Variants in CEP97 observed in about 807,000 individuals in gnomAD.
The protein encoded by CEP97 is centrosomal protein of 97 kDa.
CEP97 carries 43 observed loss-of-function variants against 73.1 expected under a neutral mutation model. That is an observed-to-expected ratio of 0.59 (90% CI 0.46 to 0.76). The LOEUF (loss-of-function observed/expected upper bound fraction) is 0.76. Ranked by LOEUF, CEP97 falls within the 30% of genes least tolerant of loss-of-function variation. The probability of loss-of-function intolerance (pLI) is 0.00; values close to 1 mark genes in which losing one functional copy is unlikely to be tolerated. For synonymous variants in CEP97, 337 were observed against 370.0 expected (o/e 0.91, Z 1.02); for missense variants, 939 against 1,014.0 (o/e 0.93, Z 1.00).
Position 101,765,009 on chromosome 3 carries a change from T to C in CEP97, c.2056T>C (p.Ser686Pro). Reference sequence around the variant, plus strand: ...TCAAAATGCTGATTGGTTTATTGCTTCTGATGTAGCTCCTCAAGAGAAATC... The same window carrying C: ...TCAAAATGCTGATTGGTTTATTGCTCCTGATGTAGCTCCTCAAGAGAAATC... ...CDQNADWFIA[S>P]DVAPQEKSLP... The change falls in exon 11 of 11, where the codon TCT (serine) becomes CCT (proline). Residue 686 changes from serine (S) to proline (P), a missense_variant. Physicochemically the swap from Ser to Pro is moderately conservative, Grantham distance 74. Transcript: ENST00000341893. 1 of 1,614,182 alleles carries C rather than the reference T, an allele frequency of 6.2e-7. No homozygotes were observed. Among genetic ancestry groups the C allele is most frequent in the Non-Finnish European group, 8.5e-7 (1 of 1,180,026 alleles).
Position 101,758,138 on chromosome 3 carries a change from A to C in CEP97, c.1532A>C (p.Lys511Thr), listed in dbSNP as rs922349539. 1 of 1,614,120 alleles carries C rather than the reference A, an allele frequency of 6.2e-7. No individual in the cohort carries two copies. Among genetic ancestry groups the C allele is most frequent in the Admixed American group, 1.7e-5 (1 of 60,006 alleles). Residue 511 changes from lysine to threonine, a missense_variant, in exon 9 of 11, where the codon AAA becomes ACA. Physicochemically the swap from Lys to Thr is moderately conservative, Grantham distance 78. Transcript: ENST00000341893. ...LTFFPESTEQ[K>T]QSDIKKPENT... is the part of the protein sequence containing the mutation. ...TTTTTTCCTGAGTCAACTGAGCAGA[A>C]ACAATCAGACATAAAGAAACCAGAA...
At chr3:101,727,691 G>T in intron 3 of CEP97, 150 bp downstream of exon 3, 3 of 623,306 alleles carry the variant, frequency 4.8e-6, no homozygotes, top group Non-Finnish European at 7.9e-6. Context: ...ATCTCATTTT[G>T]AAACATATAA....
rs1043733915 is a variant in CEP97 at position 101,743,133 on chromosome 3, C to T, written c.728+10479C>T. Among the ~76,000 whole-genome samples the T allele has an allele frequency of 2.6e-5, 4 of 151,688 alleles. No homozygotes were observed. In the South Asian group the frequency reaches 8.3e-4, roughly 31 times the overall value. ...TGGTGGTGTGTGCCTGTAGTCCCAG[C>T]TACTCAGGAGGCTGAAGTGGGAGGA... On this transcript the variant is annotated intron_variant, in intron 6 of 10. Transcript: ENST00000341893.
At chr3:101,731,696 A>G (rs112153382) in intron 4 of CEP97, 144 bp from the exon 5 acceptor site, 2 of 582,584 alleles carry the variant, frequency 3.4e-6, no homozygotes, top group South Asian at 4.4e-5. Context: ...CCCTTGTAGC[A>G]TTAACAGTCT....
At chr3:101,762,391 A>G (rs1939196224) in intron 9 of CEP97, 94 bp from the exon 10 acceptor site, 1 of 573,146 alleles carries the variant, frequency 1.7e-6, no homozygotes, top group South Asian at 3.1e-5. Context: ...TAGATTATTA[A>G]TCTCTTTACA....
chr3:101,751,740 C>A (rs2107173400), intron 6 of CEP97, among the ~76,000 whole-genome samples: 1 of 152,168 alleles, frequency 6.6e-6, no homozygotes, highest in Non-Finnish European at 1.5e-5. Context: ...GCAACCCCTG[C>A]CTTTTTTTGT....
At chr3:101,760,983 C>T (rs1195965050) in intron 9 of CEP97, among the ~76,000 whole-genome samples, 1 of 152,112 alleles carries the variant, frequency 6.6e-6, no homozygotes, top group Non-Finnish European at 1.5e-5. Flanking sequence ...CTGCCTCAGC[C>T]TCCCGAGTAG....
At chr3:101,741,540 G>C (rs950704862) in intron 6 of CEP97, among the ~76,000 whole-genome samples, 8 of 152,038 alleles carry the variant, frequency 5.3e-5, no homozygotes, top group Non-Finnish European at 1.2e-4. Context: ...CCAATATCCA[G>C]AATCTACAAA....
Position 101,728,881 on chromosome 3 carries a change from T to C in CEP97, c.391T>C (p.Leu131=). The change falls in exon 4 of 11, where the codon TTA becomes CTA. Residue 131 remains leucine (L), a synonymous_variant. Coordinates refer to ENST00000341893, the MANE Select transcript of CEP97 (RefSeq NM_024548.4). ...CTGCACAGCTCTACAGCATCTCGAT[T>C]TATCAGACAATAATATATCCCAGAT... ...NSCTALQHLD[L]SDNNISQIGD... The C allele has an allele frequency of 1.2e-6, 2 of 1,609,018 alleles. No individual in the cohort carries two copies.
At chr3:101,754,581 C>T (rs948327042) in intron 6 of CEP97, among the ~76,000 whole-genome samples, 3 of 152,186 alleles carry the variant, frequency 2.0e-5, no homozygotes, top group Admixed American at 6.5e-5. Context: ...CTTGGGGCCT[C>T]CTGGGCTTGC....
At position 101,765,609 on chromosome 3, in the gene CEP97, C is replaced by G. The variant is rs1939298741; in HGVS notation, c.*58C>G. On this transcript the variant is annotated 3_prime_UTR_variant, in exon 11 of 11. Transcript: ENST00000341893. ...TTTTCTTAAAAATACTTTCAGTTGC[C>G]TTTGCTTTTTTTTGGAGGGAAATAC... 6.9e-7 allele frequency: 1 copy of G among 1,451,962 alleles called. No individual in the cohort carries two copies. Among genetic ancestry groups the G allele is most frequent in the Non-Finnish European group, 9.3e-7 (1 of 1,073,156 alleles). 89.9% of individuals were successfully genotyped at this position (1,451,962 alleles called of 1,614,324 possible). A position where few individuals can be genotyped will look rare whatever the true frequency, so the allele number is the denominator to read the frequency against.
chr3:101,757,177 C>T lies in CEP97; in HGVS notation c.1008C>T (p.Cys336=). 1 of 1,604,376 alleles carries T rather than the reference C, an allele frequency of 6.2e-7. No individual in the cohort carries two copies. Among genetic ancestry groups the T allele is most frequent in the Non-Finnish European group, 8.5e-7 (1 of 1,177,286 alleles). Residue 336 remains cysteine, a synonymous_variant, in exon 8 of 11, where the codon TGC becomes TGT. Coordinates refer to ENST00000341893, the MANE Select transcript of CEP97 (RefSeq NM_024548.4). The part of the protein sequence containing the change: ...IPEHSSPVQD[C]QISQESEPVI... ...AGCATTCAAGCCCTGTTCAAGATTG[C>T]CAGATATCCCAGGAAAGTGGTAAGA...
rs145761247 is a variant in CEP97 at position 101,755,554 on chromosome 3, G to A, written c.853G>A (p.Ala285Thr). ...PLTSTLGLQT[A>T]EDAKLEKILS... ...CACTTCTACACTAGGTCTTCAAACT[G>A]CAGAGGATGCCAAACTAGAGAAGAT... The change falls in exon 7 of 11, where the codon GCA becomes ACA. Residue 285 changes from alanine (A) to threonine (T), a missense_variant. Ala to Thr is a moderately conservative substitution (Grantham distance 58). Transcript: ENST00000341893. The A allele has an allele frequency of 1.3e-4, 211 of 1,614,158 alleles. No homozygotes were observed. In the African/African-American group the frequency reaches 2.7e-3, roughly 21 times the overall value.
chr3:101,741,810 G>A (rs145197781), intron 6 of CEP97, among the ~76,000 whole-genome samples: 34 of 152,262 alleles, frequency 2.2e-4, no homozygotes, highest in African/African-American at 7.2e-4. Context: ...GGGAGTCCGA[G>A]GCAGGTGGAT....
chr3:101,756,988 A>G, intron 7 of CEP97, 75 bp from the exon 8 acceptor site: 1 of 1,383,288 alleles, frequency 7.2e-7, no homozygotes. Flanking sequence ...CCTTTTTGAC[A>G]TTGTTACCTA....
chr3:101,725,528 C>T (rs1937851686), intron 1 of CEP97, among the ~76,000 whole-genome samples: 1 of 152,152 alleles, frequency 6.6e-6, no homozygotes, highest in Admixed American at 6.5e-5. Context: ...ACCTCTCTGT[C>T]GACCCCTTGG....
In CEP97 at chr3:101,768,336, C is replaced by T. The variant is rs1292744132; in HGVS notation, c.*2785C>T. The T allele has an allele frequency of 6.6e-6, 1 of 152,172 alleles. No homozygotes were observed. Among genetic ancestry groups the T allele is most frequent in the Admixed American group, 6.5e-5 (1 of 15,274 alleles). 9.4% of individuals were successfully genotyped at this position (152,172 alleles called of 1,614,324 possible). A position where few individuals can be genotyped will look rare whatever the true frequency, so the allele number is the denominator to read the frequency against. On this transcript the variant is annotated 3_prime_UTR_variant, in exon 11 of 11. Transcript: ENST00000341893. ...TTTTATTATGTCCTCTTAATCTTTACATTTAGTGAGTCAGTAAGGAAATCT... is the reference window on the plus strand; with the variant it reads ...TTTTATTATGTCCTCTTAATCTTTATATTTAGTGAGTCAGTAAGGAAATCT...
Position 101,757,212 on chromosome 3 carries a change from A to G in CEP97, c.1027+16A>G, listed in dbSNP as rs746902638. The stretch of plus-strand genomic sequence containing the variant: ...CAGGAAAGTGGTAAGAAATGAATTT[A>G]TCTCTGATCCCTTTTCTCCAAGTTG... On this transcript the variant is annotated intron_variant, in intron 8 of 10. Coordinates refer to ENST00000341893, the MANE Select transcript of CEP97 (RefSeq NM_024548.4). 1 of 1,593,268 alleles carries G rather than the reference A, an allele frequency of 6.3e-7. No individual in the cohort carries two copies. Among genetic ancestry groups the G allele is most frequent in the Non-Finnish European group, 8.5e-7 (1 of 1,173,424 alleles).
At position 101,726,581 on chromosome 3, in the gene CEP97, G is replaced by T; in HGVS notation, c.44-13G>T. The T allele has an allele frequency of 6.5e-7, 1 of 1,550,246 alleles. No individual in the cohort carries two copies. The highest frequency in any genetic ancestry group is 1.2e-5 in the South Asian group (1 of 80,608). ...TTTATTTGTGTTTTCTAACATTTCCGTTTCTTTTCAAGGATCAGTGGTCAA... is the reference window on the plus strand; with the variant it reads ...TTTATTTGTGTTTTCTAACATTTCCTTTTCTTTTCAAGGATCAGTGGTCAA... On this transcript the variant is annotated splice_polypyrimidine_tract_variant and intron_variant, in intron 1 of 10. Transcript: ENST00000341893.
Sources: allele counts gnomAD v4.1 joint callset (sites outside exome capture counted in the v4.1 genomes callset), GRCh38; gene constraint gnomAD v4.1.1; transcripts MANE v1.5; gene names NCBI Gene and HGNC (gene_info 2026-07-23, HGNC 2026-07-21).